Variants in RANBP17 observed in about 807,000 individuals in gnomAD.
RANBP17 encodes the protein RAN binding protein 17.
RANBP17 carries 158 observed loss-of-function variants against 141.2 expected under a neutral mutation model. The observed-to-expected ratio is 1.12, with a 90% CI of 0.98 to 1.28. The LOEUF (loss-of-function observed/expected upper bound fraction) is 1.28. RANBP17 is among the 50% of genes most tolerant of loss of function. RANBP17 has a pLI of 0.00. For synonymous variants in RANBP17, 430 were observed against 450.0 expected (o/e 0.96, Z 0.56); for missense variants, 1,438 against 1,290.7 (o/e 1.11, Z -1.75).
chr5:170,982,860 A>G (rs923077232), intron 14 of RANBP17, among the ~76,000 whole-genome samples: 5 of 152,204 alleles, frequency 3.3e-5, no homozygotes, highest in South Asian at 4.1e-4. Flanking sequence ...GTTACATTCA[A>G]AGGACTAAGA....
At chr5:170,882,109 G>A (rs1185645348) in intron 3 of RANBP17, among the ~76,000 whole-genome samples, 1 of 152,104 alleles carries the variant, frequency 6.6e-6, no homozygotes, top group Admixed American at 6.6e-5. Context: ...TTTTGAGACA[G>A]AGTCTTGCTC....
rs531272700 is a variant in RANBP17, at chr5:170,984,500, G to A, written c.1710+16123G>A. On this transcript the variant is annotated intron_variant, in intron 14 of 27. Coordinates refer to ENST00000523189, the MANE Select transcript of RANBP17 (RefSeq NM_022897.5). ...AAATTAGCTGGGCATGGTGACACAC[G>A]GCTGTAGTCCCAGATACTCATGAGG... Among the ~76,000 whole-genome samples, 63 of 151,978 alleles carry A rather than the reference G, an allele frequency of 4.1e-4. 1 individual carries two copies. Among genetic ancestry groups the A allele is most frequent in the Admixed American group, 1.1e-3 (17 of 15,256 alleles).
intron 16 of RANBP17, 43 bp from the exon 17 acceptor site, chr5:171,183,124 G>T (rs370210576): frequency 1.9e-6 from 2 of 1,028,470 alleles, no homozygotes; most frequent in Admixed American, 1.8e-5. Context: ...ATTACATACT[G>T]ATATTACAAA....
Position 171,233,983 on chromosome 5 carries a change from G to A in RANBP17, c.2423-6945G>A, listed in dbSNP as rs933068878. ...TAGTAGGGAAGCTGTGCATGTGTGG[G>A]GGCAGGAGATGTATGGTAATCGCTG... On this transcript the variant is annotated intron_variant, in intron 22 of 27. Coordinates refer to ENST00000523189, the MANE Select transcript of RANBP17 (RefSeq NM_022897.5). Among the ~76,000 whole-genome samples, 11 of 152,202 alleles carry A rather than the reference G, an allele frequency of 7.2e-5. No homozygotes were observed. In the South Asian group the frequency reaches 1.7e-3, roughly 23 times the overall value.
rs139881221 is a variant in RANBP17, at chr5:171,270,857, C to T, written c.2943+5010C>T. ...CCACAGAAATTAGCAAGAACTATTACGCAATTAATTTGTTAAGAGTGTATT... is the reference window on the plus strand; with the variant it reads ...CCACAGAAATTAGCAAGAACTATTATGCAATTAATTTGTTAAGAGTGTATT... On this transcript the variant is annotated intron_variant, in intron 25 of 27. Coordinates refer to ENST00000523189, the MANE Select transcript of RANBP17 (RefSeq NM_022897.5). 1.8e-4 allele frequency among the ~76,000 whole-genome samples: 28 copies of T among 152,056 alleles called. 1 individual carries two copies. Among genetic ancestry groups the T allele is most frequent in the Admixed American group, 4.6e-4 (7 of 15,276 alleles).
At chr5:171,067,493 G>A (rs1185314543) in intron 14 of RANBP17, among the ~76,000 whole-genome samples, 3 of 151,940 alleles carry the variant, frequency 2.0e-5, no homozygotes, top group African/African-American at 2.4e-5. Flanking sequence ...GTACGCCTTC[G>A]AGTTACAGTA....
intron 14 of RANBP17, among the ~76,000 whole-genome samples, chr5:171,142,132 T>TA (rs1342986529): frequency 6.6e-6 from 1 of 152,218 alleles, no homozygotes; most frequent in African/African-American, 2.4e-5. Context: ...TTCTACCTGT[T>TA]ACGGGCATGA....
At chr5:171,272,259 G>A (rs902625541) in intron 25 of RANBP17, among the ~76,000 whole-genome samples, 1 of 152,100 alleles carries the variant, frequency 6.6e-6, no homozygotes, top group African/African-American at 2.4e-5. Context: ...TATTACCTGC[G>A]TGACAAAGTA....
intron 14 of RANBP17, among the ~76,000 whole-genome samples, chr5:170,977,297 C>T (rs539050433): frequency 2.2e-4 from 34 of 151,730 alleles, no homozygotes; most frequent in Middle Eastern, 6.8e-3. Flanking sequence ...GAAATAGATA[C>T]CACTTTACAC....
intron 14 of RANBP17, among the ~76,000 whole-genome samples, chr5:171,007,854 A>G (rs1302971873): frequency 1.3e-5 from 2 of 152,126 alleles, no homozygotes; most frequent in African/African-American, 2.4e-5. Flanking sequence ...TAAGGAGAAG[A>G]AGGAGGAATG....
intron 14 of RANBP17, among the ~76,000 whole-genome samples, chr5:171,151,605 C>G (rs931430325): frequency 5.3e-5 from 8 of 152,138 alleles, no homozygotes; most frequent in African/African-American, 1.4e-4. Flanking sequence ...CATTTCTAAC[C>G]CTGTGAGGTT....
At chr5:170,877,716 A>C (rs971629236) in intron 1 of RANBP17, among the ~76,000 whole-genome samples, 1 of 151,940 alleles carries the variant, frequency 6.6e-6, no homozygotes, top group African/African-American at 2.4e-5. Context: ...ACTAAATTCC[A>C]CTCTACTGAA....
intron 7 of RANBP17, among the ~76,000 whole-genome samples, chr5:170,912,749 G>T (rs1038789386): frequency 6.6e-6 from 1 of 151,780 alleles, no homozygotes; most frequent in East Asian, 1.9e-4. Flanking sequence ...GAGGTGTGAC[G>T]GTTAGGAGTT....
chr5:171,199,772 A>G lies in RANBP17; in HGVS notation c.2141A>G (p.Lys714Arg). Residue 714 changes from lysine to arginine, a missense_variant and splice_region_variant, in exon 19 of 28, where the codon AAG becomes AGG. By Grantham distance (26) the Lys-to-Arg change is conservative. Transcript: ENST00000523189. ...AACAACTTTAAACAAGAAGATGTAAAGGTGGGTTTGTTTCCAAATATGAGG... is the reference window on the plus strand; with the variant it reads ...AACAACTTTAAACAAGAAGATGTAAGGGTGGGTTTGTTTCCAAATATGAGG... Reference protein sequence around the residue: ...FNNNFKQEDVKRMLIGLARDL... With the variant: ...FNNNFKQEDVRRMLIGLARDL... The G allele has an allele frequency of 6.3e-7, 1 of 1,577,078 alleles. No individual in the cohort carries two copies. The highest frequency in any genetic ancestry group is 8.7e-7 in the Non-Finnish European group (1 of 1,151,596).
At chr5:171,177,815 G>T (rs1021433003) in intron 16 of RANBP17, among the ~76,000 whole-genome samples, 7 of 152,038 alleles carry the variant, frequency 4.6e-5, no homozygotes, top group Admixed American at 2.0e-4. Context: ...TGCTGGTCCT[G>T]TCTCCTATTA....
At position 170,955,614 on chromosome 5, in the gene RANBP17, A is replaced by AGT. The variant is rs1554141263; in HGVS notation, c.1574+1915_1574+1916dup. On this transcript the variant is annotated intron_variant, in intron 13 of 27. Transcript: ENST00000523189. ...TATATATATATATATATATATGCTC[A>AGT]GTGTATATATATATATATATATATA... Among the ~76,000 whole-genome samples the AGT allele has an allele frequency of 2.0e-3, 45 of 22,208 alleles. 3 individuals are homozygous for AGT. The highest frequency in any genetic ancestry group is 5.2e-3 in the African/African-American group (37 of 7,128). The allele number at this position is 22,208 out of a possible 152,430, so 14.6% of individuals were successfully genotyped here.
chr5:170,921,564 T>A (rs1772467050), intron 11 of RANBP17, among the ~76,000 whole-genome samples: 1 of 152,340 alleles, frequency 6.6e-6, no homozygotes, highest in African/African-American at 2.4e-5. Flanking sequence ...TTGTCTTGGC[T>A]ATACGGGCTC....
At chr5:171,048,680 GTCCCTGTGTAC>G (rs61640399) in intron 14 of RANBP17, among the ~76,000 whole-genome samples, 7,155 of 151,992 alleles carry the variant, frequency 0.047, 410 homozygotes, top group African/African-American at 0.13. Context: ...TCTTCTCTCT[GTCCCTGTGTAC>G]TCAATGTTTA....
chr5:171,293,392 C>T (rs1768624287), intron 25 of RANBP17, among the ~76,000 whole-genome samples: 1 of 152,190 alleles, frequency 6.6e-6, no homozygotes, highest in Admixed American at 6.5e-5. Context: ...AAACCTCGAA[C>T]AGCCTAAGCC....
Sources: allele counts gnomAD v4.1 joint callset (sites outside exome capture counted in the v4.1 genomes callset), GRCh38; gene constraint gnomAD v4.1.1; transcripts MANE v1.5; gene names NCBI Gene and HGNC (gene_info 2026-07-23, HGNC 2026-07-21).